The following CMIP variants were observed in gnomAD, a reference collection of about 807,000 sequenced individuals.
The protein encoded by CMIP is C-Maf-inducing protein.
In CMIP, 13 loss-of-function variants were observed where a neutral mutation model predicts 97.3. The observed-to-expected ratio is 0.13, with a 90% CI of 0.09 to 0.21. CMIP has a LOEUF of 0.21. Ranked by LOEUF, CMIP falls within the 10% of genes least tolerant of loss-of-function variation. The pLI is 1.00. For synonymous variants in CMIP, 538 were observed against 436.3 expected (o/e 1.23, Z -2.91); for missense variants, 847 against 1,024.9 (o/e 0.83, Z 2.37).
At chr16:81,585,504 C>G (rs1457768545) in intron 1 of CMIP, among the ~76,000 whole-genome samples, 1 of 152,170 alleles carries the variant, frequency 6.6e-6, no homozygotes, top group Admixed American at 6.5e-5. Flanking sequence ...CCATGACAGC[C>G]GTCTGATTTC....
At position 81,655,408 on chromosome 16, in the gene CMIP, A is replaced by G; in HGVS notation, c.640-2367A>G. Among the ~76,000 whole-genome samples the G allele has an allele frequency of 1.3e-5, 2 of 152,190 alleles. 1 individual carries two copies. Among genetic ancestry groups the G allele is most frequent in the Non-Finnish European group, 2.9e-5 (2 of 68,032 alleles). ...GAAAGAACTGTCCGTCCACCAGCAA[A>G]GCAAAGCTGGCTGTCCCCACCCTCC... is the stretch of plus-strand genomic sequence containing the variant. On this transcript the variant is annotated intron_variant, in intron 4 of 20. Coordinates refer to ENST00000537098, the MANE Select transcript of CMIP (RefSeq NM_198390.3). This position sits in a 1 kb window ranked among gnomAD's most constrained non-coding sequence, Gnocchi z 4.9.
chr16:81,591,761 T>G lies in CMIP; in HGVS notation c.301-15806T>G, dbSNP rs550262419. Among the ~76,000 whole-genome samples, 17 of 151,896 alleles carry G rather than the reference T, an allele frequency of 1.1e-4. No homozygotes were observed. In the South Asian group the frequency reaches 3.3e-3, roughly 30 times the overall value. On this transcript the variant is annotated intron_variant, in intron 1 of 20. Coordinates refer to ENST00000537098, the MANE Select transcript of CMIP (RefSeq NM_198390.3). ...TGCACAGGGGTGTGCATTGTCAGAA[T>G]GAACCCACTGAAGATTTCTGCCCTT... is the stretch of plus-strand genomic sequence containing the variant.
chr16:81,579,791 GAAAAATACAA>G (rs1444317806), intron 1 of CMIP, among the ~76,000 whole-genome samples: 1 of 151,972 alleles, frequency 6.6e-6, no homozygotes, highest in Non-Finnish European at 1.5e-5. Context: ...CGTCTCTACT[GAAAAATACAA>G]AAAAATTAGC....
intron 9 of CMIP, among the ~76,000 whole-genome samples, chr16:81,675,213 G>A (rs1464905962): frequency 6.6e-6 from 1 of 151,926 alleles, no homozygotes; most frequent in East Asian, 1.9e-4. Flanking sequence ...TTTGGTTTTT[G>A]GGTTTTTTTG....
intron 1 of CMIP, among the ~76,000 whole-genome samples, chr16:81,478,375 G>A (rs1317041614): frequency 6.6e-6 from 1 of 152,206 alleles, no homozygotes; most frequent in Non-Finnish European, 1.5e-5. Flanking sequence ...GGAAGGGGTT[G>A]TAGGGCCGAG....
intron 1 of CMIP, among the ~76,000 whole-genome samples, chr16:81,505,334 G>A (rs919857021): frequency 2.6e-5 from 4 of 152,296 alleles, no homozygotes; most frequent in African/African-American, 9.6e-5. Context: ...CTGTGTGGAG[G>A]CCATGTTGTT....
chr16:81,700,056 TAACA>T (rs1186578666), intron 15 of CMIP, among the ~76,000 whole-genome samples: 1 of 152,186 alleles, frequency 6.6e-6, no homozygotes, highest in Admixed American at 6.5e-5. Context: ...TATTGCTGTG[TAACA>T]AACCACCTCT....
intron 3 of CMIP, among the ~76,000 whole-genome samples, chr16:81,622,674 C>T (rs753541102): frequency 6.6e-6 from 1 of 152,100 alleles, no homozygotes; most frequent in Admixed American, 6.6e-5. Flanking sequence ...TAAAAGGAGG[C>T]CAAGATGAGT....
chr16:81,568,046 T>TTG, intron 1 of CMIP, among the ~76,000 whole-genome samples: 1 of 149,712 alleles, frequency 6.7e-6, no homozygotes, highest in South Asian at 2.1e-4. Context: ...TGTGTTTTTT[T>TTG]TTTTTTTTTT....
At chr16:81,573,160 A>G (rs2150892291) in intron 1 of CMIP, among the ~76,000 whole-genome samples, 1 of 152,282 alleles carries the variant, frequency 6.6e-6, no homozygotes, top group Non-Finnish European at 1.5e-5. Context: ...GCTGGCCAAC[A>G]CGGTGAAACC....
intron 1 of CMIP, among the ~76,000 whole-genome samples, chr16:81,558,284 A>T (rs527833593): frequency 6.6e-6 from 1 of 152,208 alleles, no homozygotes; most frequent in South Asian, 2.1e-4. Context: ...CCATCAGCAG[A>T]CACGAGGCTG....
At position 81,664,384 on chromosome 16, in the gene CMIP, G is replaced by A. The variant is rs376966243; in HGVS notation, c.825+35G>A. 1.5e-5 allele frequency: 23 copies of A among 1,562,428 alleles called. No individual in the cohort carries two copies. The East Asian group carries it at 1.9e-4, about 13-fold the overall frequency. ...CCTGCCCCAACACCCAGACCCCAGCGCCCAGAACATGAGGCCCCGCGCGCC... is the reference window on the plus strand; with the variant it reads ...CCTGCCCCAACACCCAGACCCCAGCACCCAGAACATGAGGCCCCGCGCGCC... On this transcript the variant is annotated intron_variant, in intron 7 of 20. Coordinates refer to ENST00000537098, the MANE Select transcript of CMIP (RefSeq NM_198390.3).
intron 10 of CMIP, among the ~76,000 whole-genome samples, chr16:81,679,370 C>T (rs1407554991): frequency 6.6e-6 from 1 of 151,916 alleles, no homozygotes; most frequent in Non-Finnish European, 1.5e-5. Context: ...ACCATTTGTG[C>T]TGTAGGGTTA....
chr16:81,635,645 T>C (rs954164449), intron 3 of CMIP, among the ~76,000 whole-genome samples: 3 of 152,202 alleles, frequency 2.0e-5, no homozygotes, highest in African/African-American at 4.8e-5. Context: ...CAGACAAATA[T>C]ATATTTGTAT....
intron 1 of CMIP, among the ~76,000 whole-genome samples, chr16:81,539,670 C>T (rs947345589): frequency 2.0e-5 from 3 of 152,206 alleles, no homozygotes; most frequent in Admixed American, 2.0e-4. Context: ...CTGGAGCCTC[C>T]TCCCTACCAC....
intron 1 of CMIP, among the ~76,000 whole-genome samples, chr16:81,526,415 G>A (rs756483409): frequency 6.6e-6 from 1 of 152,152 alleles, no homozygotes; most frequent in Non-Finnish European, 1.5e-5. Context: ...TAGAAATCGC[G>A]GGTGTTTGCA....
chr16:81,537,546 C>CAAAAAAAAAG (rs2090366841), intron 1 of CMIP, among the ~76,000 whole-genome samples: 1 of 82,086 alleles, frequency 1.2e-5, no homozygotes, highest in Non-Finnish European at 2.3e-5. Flanking sequence ...AAAAAAAAGA[C>CAAAAAAAAAG]AAAAAAAAAA....
chr16:81,459,099 C>T (rs985695574), intron 1 of CMIP, among the ~76,000 whole-genome samples: 2 of 152,186 alleles, frequency 1.3e-5, no homozygotes, highest in Non-Finnish European at 2.9e-5. Context: ...ATTACTGTGG[C>T]TACCGCTTCT....
In CMIP at chr16:81,704,992, A is replaced by G. The variant is rs534454296; in HGVS notation, c.2092-507A>G. ...TGGGTCTTTTTGTTATAGTAACACC[A>G]GTGGCTGCTGAGTCCCAGCTCAGTG... On this transcript the variant is annotated intron_variant, in intron 18 of 20. Coordinates refer to ENST00000537098, the MANE Select transcript of CMIP (RefSeq NM_198390.3). Among the ~76,000 whole-genome samples the G allele has an allele frequency of 7.2e-5, 11 of 152,164 alleles. No individual in the cohort carries two copies. The South Asian group carries it at 2.3e-3, about 32-fold the overall frequency.
Sources: gnomAD v4.1 joint callset for allele counts (sites outside exome capture counted in the v4.1 genomes callset) on GRCh38, gnomAD v4.1.1 for gene constraint, Gnocchi (gnomAD v3.1) non-coding constraint, MANE v1.5 for transcripts, NCBI Gene and HGNC (gene_info 2026-07-23, HGNC 2026-07-21) for gene names.